RAB5A: variants seen among roughly 807,000 people sequenced by gnomAD.
RAB5A encodes the protein RAB5A, member RAS oncogene family, also known as ras-related protein Rab-5A.
A neutral mutation model predicts 25.7 loss-of-function variants in RAB5A; 8 were observed. The observed-to-expected ratio is 0.31, with a 90% CI of 0.18 to 0.56. The LOEUF is 0.56. Ranked by LOEUF, RAB5A falls within the 20% of genes least tolerant of loss-of-function variation. RAB5A has a pLI of 0.91. For missense variants in RAB5A, 192 were observed against 259.7 expected (o/e 0.74, Z 1.79); for synonymous variants, 98 against 89.8 (o/e 1.09, Z -0.52).
At chr3:19,968,703 C>T (rs1292645465) in intron 2 of RAB5A, among the ~76,000 whole-genome samples, 1 of 152,200 alleles carries the variant, frequency 6.6e-6, no homozygotes, top group Non-Finnish European at 1.5e-5. Flanking sequence ...TCAAGTGATC[C>T]TCCTGCCTCA....
chr3:19,950,661 C>T (rs577749063), intron 1 of RAB5A, 145 bp from the exon 2 acceptor site: 3 of 373,724 alleles, frequency 8.0e-6, no homozygotes, highest in South Asian at 8.4e-5. Context: ...CTTTGAATTT[C>T]CTTTAAAAGA....
At chr3:19,978,223 T>G (rs1464930632) in intron 4 of RAB5A, 87 bp from the exon 5 acceptor site, 1 of 855,490 alleles carries the variant, frequency 1.2e-6, no homozygotes, top group Non-Finnish European at 2.0e-6. Context: ...AATAAGAAAG[T>G]CTCCTTTTCT....
chr3:19,971,465 G>T (rs1696750847), intron 2 of RAB5A, among the ~76,000 whole-genome samples: 1 of 151,672 alleles, frequency 6.6e-6, no homozygotes, highest in African/African-American at 2.4e-5. Flanking sequence ...CGGTGGTGGT[G>T]GTGGTGGTGG....
At chr3:19,959,625 A>ATT (rs63289661) in intron 2 of RAB5A, among the ~76,000 whole-genome samples, 2,076 of 117,864 alleles carry the variant, frequency 0.018, 37 homozygotes, top group Non-Finnish European at 0.028. Context: ...TTGTGTTCTG[A>ATT]TTTTTTTTTT....
chr3:19,975,934 A>G (rs1696818338), intron 3 of RAB5A, 113 bp from the exon 4 acceptor site: 2 of 1,408,274 alleles, frequency 1.4e-6, no homozygotes, highest in Non-Finnish European at 1.9e-6. Context: ...CAATAGTCCT[A>G]ATAATTTCTT....
chr3:19,963,967 G>A (rs1051781221), intron 2 of RAB5A, among the ~76,000 whole-genome samples: 8 of 152,162 alleles, frequency 5.3e-5, no homozygotes, highest in African/African-American at 1.7e-4. Context: ...AATTCATTTA[G>A]TATGTAAGCT....
intron 1 of RAB5A, among the ~76,000 whole-genome samples, chr3:19,948,666 T>TTAGTTTAGTTATACTCC (rs1317505000): frequency 2.0e-5 from 3 of 152,190 alleles, no homozygotes; most frequent in Admixed American, 1.3e-4. Flanking sequence ...TATTTCCTGT[T>TTAGTTTAGTTATACTCC]TGAGATCCTT....
chr3:19,957,465 C>A (rs1199718907), intron 2 of RAB5A, among the ~76,000 whole-genome samples: 1 of 148,236 alleles, frequency 6.7e-6, no homozygotes, highest in Non-Finnish European at 1.5e-5. Context: ...CCAGCCTGGC[C>A]AACATGGCCA....
At chr3:19,975,436 T>C in intron 2 of RAB5A, 165 bp from the exon 3 acceptor site, 2 of 542,674 alleles carry the variant, frequency 3.7e-6, no homozygotes, top group Non-Finnish European at 3.0e-6. Flanking sequence ...AGGTGTTTTC[T>C]TTTTTTTTCC....
intron 2 of RAB5A, among the ~76,000 whole-genome samples, chr3:19,967,184 G>T (rs867844851): frequency 3.4e-5 from 5 of 148,912 alleles, no homozygotes; most frequent in African/African-American, 1.3e-4. Context: ...TCAGTCTGCC[G>T]CCCAGGCTGG....
At chr3:19,962,224 A>G (rs991703245) in intron 2 of RAB5A, among the ~76,000 whole-genome samples, 1 of 152,266 alleles carries the variant, frequency 6.6e-6, no homozygotes, top group African/African-American at 2.4e-5. Flanking sequence ...TGTCAACATC[A>G]CACTGTAAGA....
At chr3:19,958,219 G>T (rs547693142) in intron 2 of RAB5A, among the ~76,000 whole-genome samples, 28 of 152,238 alleles carry the variant, frequency 1.8e-4, no homozygotes, top group Admixed American at 3.3e-4. Flanking sequence ...AAAATTTGTG[G>T]AAGTTAATCA....
At chr3:19,975,998 G>A in intron 3 of RAB5A, 49 bp from the exon 4 acceptor site, 2 of 1,580,262 alleles carry the variant, frequency 1.3e-6, no homozygotes, top group Non-Finnish European at 1.7e-6. Context: ...AAGATGCTTG[G>A]TAACCATTTT....
rs1696991280 is a variant in RAB5A, at chr3:19,984,317, C to T, written c.*494C>T. On this transcript the variant is annotated 3_prime_UTR_variant, in exon 6 of 6. Coordinates refer to ENST00000273047, the MANE Select transcript of RAB5A (RefSeq NM_004162.5). The stretch of plus-strand genomic sequence containing the variant: ...GGTACCTGTATTTAAAATGTACATT[C>T]CACATTTTAATAAATTAACCACAAG... 4.8e-6 allele frequency: 2 copies of T among 415,044 alleles called. No homozygotes were observed. Among genetic ancestry groups the T allele is most frequent in the Non-Finnish European group, 9.4e-6 (2 of 211,942 alleles). 25.7% of individuals were successfully genotyped at this position (415,044 alleles called of 1,614,324 possible). A position where few individuals can be genotyped will look rare whatever the true frequency, so the allele number is the denominator to read the frequency against.
chr3:19,949,995 G>A (rs56070425), intron 1 of RAB5A, among the ~76,000 whole-genome samples: 23,296 of 152,134 alleles, frequency 0.15, 1,998 homozygotes, highest in Non-Finnish European at 0.2. Flanking sequence ...CTGTGACCAC[G>A]CCACTGCACT....
intron 5 of RAB5A, among the ~76,000 whole-genome samples, chr3:19,981,984 T>C (rs1335445424): frequency 6.6e-6 from 1 of 152,076 alleles, no homozygotes; most frequent in Non-Finnish European, 1.5e-5. Flanking sequence ...GGCTCACTCC[T>C]ATAATCCCAA....
At position 19,968,428 on chromosome 3, in the gene RAB5A, C is replaced by T. The variant is rs140426144; in HGVS notation, c.164-7173C>T. Among the ~76,000 whole-genome samples, 132 of 152,196 alleles carry T rather than the reference C, an allele frequency of 8.7e-4. 1 individual carries two copies. The East Asian group carries it at 0.016, about 18-fold the overall frequency. On this transcript the variant is annotated intron_variant, in intron 2 of 5. Transcript: ENST00000273047. ...TTTATTATACTCTAGCCAAACTACCCAGTGTTTTCTTTACATTCTTTCCCC... is the reference window on the plus strand; with the variant it reads ...TTTATTATACTCTAGCCAAACTACCTAGTGTTTTCTTTACATTCTTTCCCC...
intron 2 of RAB5A, among the ~76,000 whole-genome samples, chr3:19,957,046 C>G (rs1281745082): frequency 6.6e-6 from 1 of 150,906 alleles, no homozygotes; most frequent in Non-Finnish European, 1.5e-5. Context: ...TCAAGTGGTC[C>G]TCCCAGGTAG....
chr3:19,985,072 G>A lies in RAB5A; in HGVS notation c.*1249G>A, dbSNP rs1219576973. ...ATCTATTTAAGTGTTGGACTGCTAG[G>A]AGAACTTGTACATTTATGATAATGC... On this transcript the variant is annotated 3_prime_UTR_variant, in exon 6 of 6. Transcript: ENST00000273047. The A allele has an allele frequency of 3.0e-5, 8 of 263,554 alleles. No individual in the cohort carries two copies. The highest frequency in any genetic ancestry group is 9.9e-5 in the Admixed American group (2 of 20,148). 16.3% of individuals were successfully genotyped at this position (263,554 alleles called of 1,614,324 possible).
Sources: gnomAD v4.1 joint callset for allele counts (sites outside exome capture counted in the v4.1 genomes callset) on GRCh38, gnomAD v4.1.1 for gene constraint, MANE v1.5 for transcripts, NCBI Gene and HGNC (gene_info 2026-07-23, HGNC 2026-07-21) for gene names.